The following DNAH11 variants were observed in gnomAD, a reference collection of about 807,000 sequenced individuals.
DNAH11 encodes the protein dynein axonemal heavy chain 11.
In DNAH11, 442 loss-of-function variants were observed where a neutral mutation model predicts 526.0. The observed-to-expected ratio is 0.84, with a 90% CI of 0.78 to 0.91. The LOEUF (loss-of-function observed/expected upper bound fraction) is 0.91, where lower values mean the gene tolerates loss of function less well. DNAH11 is among the 40% of genes least tolerant of loss of function. DNAH11 has a pLI of 0.00. For synonymous variants in DNAH11, 2,461 were observed against 1,935.9 expected (o/e 1.27, Z -7.12); for missense variants, 6,989 against 5,448.7 (o/e 1.28, Z -8.90).
intron 60 of DNAH11, among the ~76,000 whole-genome samples, chr7:21,788,766 C>G (rs78828806): frequency 0.013 from 2,015 of 152,314 alleles, 36 homozygotes; most frequent in African/African-American, 0.041. Flanking sequence ...CAGACATGAT[C>G]TCAGCATTGG....
chr7:21,595,953 C>T (rs1222879313), intron 14 of DNAH11, among the ~76,000 whole-genome samples: 3 of 151,934 alleles, frequency 2.0e-5, no homozygotes, highest in Non-Finnish European at 4.4e-5. Flanking sequence ...GACAGGAAGC[C>T]GAGTGAAGAA....
At chr7:21,789,068 C>T (rs140822164) in intron 60 of DNAH11, among the ~76,000 whole-genome samples, 173 bp from the exon 61 acceptor site, 1 of 151,980 alleles carries the variant, frequency 6.6e-6, no homozygotes, top group Non-Finnish European at 1.5e-5. Context: ...GTGGGAGGAT[C>T]CTTTGAGCCC....
chr7:21,789,809 T>TTTTTTCTTTCTTTCTTTCTTCTTTCTTTC (rs1788374904), intron 61 of DNAH11, among the ~76,000 whole-genome samples: 1 of 19,490 alleles, frequency 5.1e-5, no homozygotes, highest in African/African-American at 1.5e-4. Context: ...TTCTTTCTTT[T>TTTTTTCTTTCTTTCTTTCTTCTTTCTTTC]TTCTTTCTTT....
At position 21,750,047 on chromosome 7, in the gene DNAH11, C is replaced by T. The variant is rs76865703; in HGVS notation, c.8798-175C>T. ...TGTAGAGGGTGTGTTCACCATGGCTCGTCTTCAACGTGTTGTATGTCTCGT... is the reference window on the plus strand; with the variant it reads ...TGTAGAGGGTGTGTTCACCATGGCTTGTCTTCAACGTGTTGTATGTCTCGT... On this transcript the variant is annotated intron_variant, in intron 53 of 81. Coordinates refer to ENST00000409508, the MANE Select transcript of DNAH11 (RefSeq NM_001277115.2). Among the ~76,000 whole-genome samples, 1,793 of 152,102 alleles carry T rather than the reference C, an allele frequency of 0.012. 39 individuals are homozygous for T. The highest frequency in any genetic ancestry group is 0.041 in the African/African-American group (1,695 of 41,500).
In DNAH11 at chr7:21,873,495, T is replaced by C. The variant is rs2128038753; in HGVS notation, c.12189T>C (p.Phe4063=). 1.2e-6 allele frequency: 2 copies of C among 1,613,840 alleles called. No individual in the cohort carries two copies. Among genetic ancestry groups the C allele is most frequent in the South Asian group, 1.1e-5 (1 of 91,066 alleles). The part of the protein sequence containing the change: ...LANLHAALYN[F]DQDTLEICSK... Reference sequence around the variant, plus strand: ...ATTTGCATGCCGCCCTGTACAACTTTGATCAGGTAAGAAAGCGAAGCAGGC... The same window carrying C: ...ATTTGCATGCCGCCCTGTACAACTTCGATCAGGTAAGAAAGCGAAGCAGGC... The change falls in exon 74 of 82, where the codon TTT becomes TTC. Residue 4063 remains phenylalanine (F), a synonymous_variant. Transcript: ENST00000409508.
rs577654200 is a variant in DNAH11 at position 21,830,028 on chromosome 7, A to C, written c.10691+11689A>C. ...AGACGTCTTTTTGCCCCAGGACACT[A>C]ATTTTTTGGCTGGGTTTTGAATAAA... On this transcript the variant is annotated intron_variant, in intron 65 of 81. Transcript: ENST00000409508. 3.9e-5 allele frequency among the ~76,000 whole-genome samples: 6 copies of C among 152,286 alleles called. No individual in the cohort carries two copies. The South Asian group carries it at 1.2e-3, about 32-fold the overall frequency.
intron 46 of DNAH11, 133 bp downstream of exon 46, chr7:21,735,977 T>A: frequency 1.2e-6 from 1 of 849,260 alleles, no homozygotes. Context: ...GAATTTGTAC[T>A]TATCATCCTT....
chr7:21,784,569 T>G (rs1452717362), intron 58 of DNAH11, 29 bp downstream of exon 58: 1 of 1,499,468 alleles, frequency 6.7e-7, no homozygotes, highest in Admixed American at 2.0e-5. Flanking sequence ...TCCCTGAGTT[T>G]CCTCAAAGTA....
rs536195232 is a variant in DNAH11 at position 21,799,623 on chromosome 7, A to G, written c.10027-1514A>G. ...AGTGCTGGGATTACAGGCATGACCC[A>G]CCGCACCCGGCCATATTTCAATCTT... On this transcript the variant is annotated intron_variant, in intron 61 of 81. Coordinates refer to ENST00000409508, the MANE Select transcript of DNAH11 (RefSeq NM_001277115.2). Among the ~76,000 whole-genome samples the G allele has an allele frequency of 2.4e-4, 37 of 152,344 alleles. 1 individual carries two copies. In the Middle Eastern group the frequency reaches 0.01, roughly 42 times the overall value.
chr7:21,685,904 T>G (rs924387867), intron 32 of DNAH11, among the ~76,000 whole-genome samples: 4 of 152,080 alleles, frequency 2.6e-5, no homozygotes, highest in African/African-American at 9.7e-5. Flanking sequence ...TTGGTTGGAG[T>G]TTGGTCACTT....
intron 71 of DNAH11, among the ~76,000 whole-genome samples, chr7:21,867,078 C>T (rs1420463551): frequency 6.6e-6 from 1 of 152,220 alleles, no homozygotes; most frequent in Non-Finnish European, 1.5e-5. Flanking sequence ...CATGGAGTCA[C>T]TCATAGTCCC....
intron 23 of DNAH11, 46 bp downstream of exon 23, chr7:21,617,823 G>C: frequency 6.7e-7 from 1 of 1,498,868 alleles, no homozygotes; most frequent in East Asian, 2.3e-5. Flanking sequence ...TGACTGTGAA[G>C]TGTTACTTCT....
chr7:21,608,395 C>G (rs191532913), intron 20 of DNAH11, among the ~76,000 whole-genome samples: 1 of 152,278 alleles, frequency 6.6e-6, no homozygotes, highest in East Asian at 1.9e-4. Context: ...AGCTGGGCAC[C>G]TTTCTGAGTT....
intron 64 of DNAH11, 105 bp downstream of exon 64, chr7:21,816,807 AT>A: frequency 2.3e-6 from 2 of 883,712 alleles, no homozygotes; most frequent in Non-Finnish European, 1.8e-6. Context: ...ACATTGATGT[AT>A]TACAATTTGG....
At chr7:21,610,171 G>A (rs569810310) in intron 20 of DNAH11, among the ~76,000 whole-genome samples, 9 of 152,168 alleles carry the variant, frequency 5.9e-5, no homozygotes, top group Non-Finnish European at 8.8e-5. Context: ...GGAGAATGGC[G>A]TGAACCTGGG....
rs535654577 is a variant in DNAH11, at chr7:21,606,139, C to T, written c.3649-287C>T. On this transcript the variant is annotated intron_variant, in intron 18 of 81. Transcript: ENST00000409508. ...ACGAGTTCAAGACCAGCCTGAACAA[C>T]ATGCTGAAACCCTGTCCTACAACAA... Among the ~76,000 whole-genome samples the T allele has an allele frequency of 3.3e-5, 5 of 152,178 alleles. No individual in the cohort carries two copies. The East Asian group carries it at 9.7e-4, about 29-fold the overall frequency.
intron 52 of DNAH11, among the ~76,000 whole-genome samples, chr7:21,749,379 C>A (rs150636085): frequency 3.2e-4 from 48 of 152,208 alleles, no homozygotes; most frequent in African/African-American, 1.1e-3. Flanking sequence ...CTGAAAAAGG[C>A]GTCGCTGAAT....
In DNAH11 at chr7:21,801,255, T is replaced by C. The variant is rs1788980228; in HGVS notation, c.10145T>C (p.Leu3382Pro). ...AAAACCATCAAATTAGCTAACAGACTTGTCAAGGAACTTGAGGCAAGTTAA... is the reference window on the plus strand; with the variant it reads ...AAAACCATCAAATTAGCTAACAGACCTGTCAAGGAACTTGAGGCAAGTTAA... ...TNKTIKLANR[L>P]VKELEAKKIR... Residue 3382 changes from leucine (L) to proline (P), a missense_variant, in exon 62 of 82, where the codon CTT becomes CCT. Coordinates refer to ENST00000409508, the MANE Select transcript of DNAH11 (RefSeq NM_001277115.2). The C allele has an allele frequency of 5.6e-6, 9 of 1,613,918 alleles. No homozygotes were observed. The highest frequency in any genetic ancestry group is 7.6e-6 in the Non-Finnish European group (9 of 1,179,856).
chr7:21,564,174 C>T lies in DNAH11; in HGVS notation c.983-12C>T. On this transcript the variant is annotated splice_polypyrimidine_tract_variant and intron_variant, in intron 5 of 81. Coordinates refer to ENST00000409508, the MANE Select transcript of DNAH11 (RefSeq NM_001277115.2). ...AACCAGAATCACGTTAATGGTGGTT[C>T]TTTGCTTTCAGCTCTTCTCGAAGCC... 1 of 1,528,524 alleles carries T rather than the reference C, an allele frequency of 6.5e-7. No individual in the cohort carries two copies. The highest frequency in any genetic ancestry group is 8.8e-7 in the Non-Finnish European group (1 of 1,136,898). 94.7% of individuals were successfully genotyped at this position (1,528,524 alleles called of 1,614,324 possible). A position where few individuals can be genotyped will look rare whatever the true frequency, so the allele number is the denominator to read the frequency against.
Sources: allele counts gnomAD v4.1 joint callset (sites outside exome capture counted in the v4.1 genomes callset), GRCh38; gene constraint gnomAD v4.1.1; transcripts MANE v1.5; gene names NCBI Gene and HGNC (gene_info 2026-07-23, HGNC 2026-07-21).